MYLK4: variants seen among roughly 807,000 people sequenced by gnomAD.
The protein encoded by MYLK4 is caMLCK like.
A neutral mutation model predicts 48.1 loss-of-function variants in MYLK4; 46 were observed. The ratio of observed to expected loss-of-function variants is 0.96; its 90% CI spans 0.75 to 1.22. MYLK4 has a LOEUF of 1.22. MYLK4 is among the 50% of genes most tolerant of loss of function. The pLI is 0.00. For synonymous variants in MYLK4, 170 were observed against 180.8 expected (o/e 0.94, Z 0.48); for missense variants, 451 against 486.1 (o/e 0.93, Z 0.68).
At chr6:2,730,179 G>A (rs903600027) in intron 2 of MYLK4, among the ~76,000 whole-genome samples, 5 of 152,210 alleles carry the variant, frequency 3.3e-5, no homozygotes, top group African/African-American at 7.2e-5. Flanking sequence ...GAAAGCAAGC[G>A]TGTGCTCCCT....
chr6:2,694,782 C>T (rs1490010124), intron 2 of MYLK4, among the ~76,000 whole-genome samples: 1 of 151,906 alleles, frequency 6.6e-6, no homozygotes, highest in African/African-American at 2.4e-5. Flanking sequence ...TTAGCCCCAT[C>T]GTACAAATGA....
chr6:2,718,226 C>A (rs1251679340), intron 2 of MYLK4, among the ~76,000 whole-genome samples: 1 of 151,586 alleles, frequency 6.6e-6, no homozygotes, highest in African/African-American at 2.4e-5. Flanking sequence ...AAAGAAAATC[C>A]TAGACATCTA....
At chr6:2,707,689 G>T (rs1257908188) in intron 2 of MYLK4, among the ~76,000 whole-genome samples, 2 of 152,140 alleles carry the variant, frequency 1.3e-5, no homozygotes, top group Non-Finnish European at 2.9e-5. Context: ...TCCACTAAAA[G>T]TTGTGACAAT....
chr6:2,766,394 A>G, the MYLK4 span: 3 of 1,606,750 alleles, frequency 1.9e-6, no homozygotes, highest in East Asian at 6.7e-5. Context: ...GCTCCTGGAG[A>G]CCAACGAAAT....
At chr6:2,720,945 G>A (rs1243490635) in intron 2 of MYLK4, among the ~76,000 whole-genome samples, 1 of 151,996 alleles carries the variant, frequency 6.6e-6, no homozygotes, top group Non-Finnish European at 1.5e-5. Context: ...GGTGGATCAC[G>A]AGGTCAGGAG....
chr6:2,680,915 G>A (rs1375728346), intron 7 of MYLK4, among the ~76,000 whole-genome samples: 4 of 152,154 alleles, frequency 2.6e-5, no homozygotes, highest in Non-Finnish European at 5.9e-5. Context: ...TTCCCTTGGA[G>A]CTAGGCCCTG....
chr6:2,700,240 TGTTCTAA>T (rs1418361703), intron 2 of MYLK4, among the ~76,000 whole-genome samples: 1 of 152,142 alleles, frequency 6.6e-6, no homozygotes, highest in Non-Finnish European at 1.5e-5. Context: ...TTATCCAAAC[TGTTCTAA>T]GTTCTAATAT....
rs56959282 is a variant in MYLK4, at chr6:2,699,287, C to CTTTTTTTTTTTTTTTTT, written c.160-6445_160-6429dup. 7.0e-3 allele frequency among the ~76,000 whole-genome samples: 545 copies of CTTTTTTTTTTTTTTTTT among 77,860 alleles called. 57 individuals carry two copies. Among genetic ancestry groups the CTTTTTTTTTTTTTTTTT allele is most frequent in the East Asian group, 0.014 (29 of 2,030 alleles). 51.1% of individuals were successfully genotyped at this position (77,860 alleles called of 152,430 possible). A position where few individuals can be genotyped will look rare whatever the true frequency, so the allele number is the denominator to read the frequency against. ...CATGCTACCACTTTTCTTTTCTTTT[C>CTTTTTTTTTTTTTTTTT]TTTTTTTTTTTTTTTTTTTTTTGAT... On this transcript the variant is annotated intron_variant, in intron 2 of 12. Transcript: ENST00000274643.
intron 2 of MYLK4, among the ~76,000 whole-genome samples, chr6:2,728,424 A>C (rs1177462330): frequency 6.6e-6 from 1 of 151,872 alleles, no homozygotes; most frequent in Admixed American, 6.6e-5. Flanking sequence ...AAAAAACAAA[A>C]CAGTCTGATG....
intron 2 of MYLK4, among the ~76,000 whole-genome samples, chr6:2,732,796 T>C (rs1763523098): frequency 6.6e-6 from 1 of 152,216 alleles, no homozygotes; most frequent in Admixed American, 6.5e-5. Context: ...CTGTGCTTTG[T>C]TTCTGCTGGG....
In MYLK4 at chr6:2,749,076, C is replaced by T. The variant is rs1764194792; in HGVS notation, c.159+60G>A. 6.7e-6 allele frequency: 10 copies of T among 1,503,622 alleles called. No homozygotes were observed. In the South Asian group the frequency reaches 1.2e-4, roughly 18 times the overall value. 93.1% of individuals were successfully genotyped at this position (1,503,622 alleles called of 1,614,324 possible). A position where few individuals can be genotyped will look rare whatever the true frequency, so the allele number is the denominator to read the frequency against. Reference sequence around the variant, plus strand: ...ATTGTACTCACAAGCGGCTCCATGACATTAGAAAAGATAAGATAGAATGAA... The same window carrying T: ...ATTGTACTCACAAGCGGCTCCATGATATTAGAAAAGATAAGATAGAATGAA... On this transcript the variant is annotated intron_variant, in intron 2 of 12. Transcript: ENST00000274643.
At position 2,749,358 on chromosome 6, in the gene MYLK4, T is replaced by G; in HGVS notation, c.-64A>C. 1.5e-6 allele frequency: 2 copies of G among 1,347,722 alleles called. No individual in the cohort carries two copies. Among genetic ancestry groups the G allele is most frequent in the South Asian group, 2.5e-5 (2 of 78,724 alleles). 83.5% of individuals were successfully genotyped at this position (1,347,722 alleles called of 1,614,324 possible). ...GGTTTTCGTCTCCCTCTGTCTCCGA[T>G]TTATAAATCAGGACACAATTATGAC... On this transcript the variant is annotated 5_prime_UTR_variant, in exon 2 of 13. Transcript: ENST00000274643.
Position 2,740,453 on chromosome 6 carries a change from C to T in MYLK4, c.159+8683G>A, listed in dbSNP as rs1031275949. 5.3e-5 allele frequency among the ~76,000 whole-genome samples: 8 copies of T among 152,344 alleles called. No homozygotes were observed. In the East Asian group the frequency reaches 1.5e-3, roughly 29 times the overall value. On this transcript the variant is annotated intron_variant, in intron 2 of 12. Coordinates refer to ENST00000274643, the MANE Select transcript of MYLK4 (RefSeq NM_001012418.5). Reference sequence around the variant, plus strand: ...CCAGGGGGATAGTCACTCCACAAGACCCCCGATGGTGGAGATGGCGCCCGG... The same window carrying T: ...CCAGGGGGATAGTCACTCCACAAGATCCCCGATGGTGGAGATGGCGCCCGG...
At chr6:2,694,512 G>GTGGTGATGGTGGTGGTGGTGGTGGTAGT (rs1561845882) in intron 2 of MYLK4, among the ~76,000 whole-genome samples, 2 of 31,576 alleles carry the variant, frequency 6.3e-5, no homozygotes, top group Non-Finnish European at 1.4e-4. Flanking sequence ...GGTGGTGGTG[G>GTGGTGATGGTGGTGGTGGTGGTGGTAGT]CGGTGGTGGT....
chr6:2,694,736 G>T (rs1180321954), intron 2 of MYLK4, among the ~76,000 whole-genome samples: 1 of 151,798 alleles, frequency 6.6e-6, no homozygotes, highest in Non-Finnish European at 1.5e-5. Context: ...TGTTTAACTG[G>T]TTGCTCCTGC....
the MYLK4 span, among the ~76,000 whole-genome samples, chr6:2,767,880 A>G: frequency 6.6e-6 from 1 of 152,236 alleles, no homozygotes; most frequent in Non-Finnish European, 1.5e-5. Context: ...AAAGGCAGGC[A>G]GGCGGGGATT....
At position 2,685,736 on chromosome 6, in the gene MYLK4, G is replaced by C. The variant is rs9501875; in HGVS notation, c.342-160C>G. 0.72 allele frequency among the ~76,000 whole-genome samples: 110,028 copies of C among 151,970 alleles called. 40,072 individuals carry two copies. The highest frequency in any genetic ancestry group is 0.9 in the East Asian group (4,611 of 5,142). On this transcript the variant is annotated intron_variant, in intron 4 of 12. Coordinates refer to ENST00000274643, the MANE Select transcript of MYLK4 (RefSeq NM_001012418.5). This position sits in a 1 kb window ranked among gnomAD's most constrained non-coding sequence, Gnocchi z 4.5. ...AGAGCAGTATTTGTCAACATGTGGT[G>C]TGTGGATCACTTGCATCAGAATCAC...
chr6:2,690,821 A>ATTTTTTTT (rs1561842811), intron 3 of MYLK4, among the ~76,000 whole-genome samples: 4 of 127,810 alleles, frequency 3.1e-5, no homozygotes, highest in African/African-American at 1.3e-4. Context: ...ATCTCTCTGA[A>ATTTTTTTT]TCTTTTTTTT....
the MYLK4 span, among the ~76,000 whole-genome samples, chr6:2,763,643 C>T: frequency 6.6e-5 from 10 of 152,256 alleles, no homozygotes; most frequent in Admixed American, 6.5e-4. Context: ...CCCGCCCGCG[C>T]CTCTCCCACC....
Sources: gnomAD v4.1 joint callset for allele counts (sites outside exome capture counted in the v4.1 genomes callset) on GRCh38, gnomAD v4.1.1 for gene constraint, Gnocchi (gnomAD v3.1) non-coding constraint, MANE v1.5 for transcripts, NCBI Gene and HGNC (gene_info 2026-07-23, HGNC 2026-07-21) for gene names.